Variants in GNA11 observed in about 807,000 individuals in gnomAD.
GNA11 encodes guanine nucleotide-binding protein subunit alpha-11.
In GNA11, 8 loss-of-function variants were observed where a neutral mutation model predicts 38.2. The observed-to-expected ratio is 0.21, with a 90% CI of 0.12 to 0.38. The LOEUF (loss-of-function observed/expected upper bound fraction) is 0.38. GNA11 is among the 10% of genes least tolerant of loss of function. The pLI, the probability that GNA11 is intolerant of heterozygous loss-of-function variation, is 1.00. For synonymous variants in GNA11, 211 were observed against 221.4 expected (o/e 0.95, Z 0.42); for missense variants, 268 against 516.3 (o/e 0.52, Z 4.66).
chr19:3,120,857 G>A lies in GNA11; in HGVS notation c.890-132G>A. 1.6e-6 allele frequency: 1 copy of A among 628,784 alleles called. No individual in the cohort carries two copies. The highest frequency in any genetic ancestry group is 2.8e-6 in the Non-Finnish European group (1 of 359,588). The allele number at this position is 628,784 out of a possible 1,614,324, so 39.0% of individuals were successfully genotyped here. ...AGGGGAGCTGCGGCCCGTCAGGCAT[G>A]CAGTGGGCTGGGGGTCGAGCTGGGT... On this transcript the variant is annotated intron_variant, in intron 6 of 6. Coordinates refer to ENST00000078429, the MANE Select transcript of GNA11 (RefSeq NM_002067.5). This position sits in a 1 kb window ranked among gnomAD's most constrained non-coding sequence, Gnocchi z 5.9.
chr19:3,096,252 C>G lies in GNA11; in HGVS notation c.136+1465C>G, dbSNP rs74672535. ...TCCCCAAACTTGTGTTTTGATTTAC[C>G]TAAGGGTTCTAAAATGGGCCATCTT... On this transcript the variant is annotated intron_variant, in intron 1 of 6. Coordinates refer to ENST00000078429, the MANE Select transcript of GNA11 (RefSeq NM_002067.5). 8.1e-3 allele frequency among the ~76,000 whole-genome samples: 1,157 copies of G among 143,468 alleles called. 9 individuals carry two copies. Among genetic ancestry groups the G allele is most frequent in the Non-Finnish European group, 0.014 (917 of 65,944 alleles). The allele number at this position is 143,468 out of a possible 152,430, so 94.1% of individuals were successfully genotyped here. A position where few individuals can be genotyped will look rare whatever the true frequency, so the allele number is the denominator to read the frequency against.
intron 1 of GNA11, among the ~76,000 whole-genome samples, chr19:3,101,846 T>A (rs144572295): frequency 2.6e-5 from 4 of 152,056 alleles, no homozygotes; most frequent in African/African-American, 9.7e-5. Context: ...GTAATCCAAG[T>A]ACTTTGAGAG....
chr19:3,120,123 G>A lies in GNA11; in HGVS notation c.889+764G>A, dbSNP rs1406720854. Among the ~76,000 whole-genome samples the A allele has an allele frequency of 1.3e-5, 2 of 152,096 alleles. No individual in the cohort carries two copies. Among genetic ancestry groups the A allele is most frequent in the Non-Finnish European group, 2.9e-5 (2 of 67,990 alleles). ...TCCACCCCGGATCTGTGCTCCTCCC[G>A]TGAGTCTCGGGTGTCATCTTCGGGA... is the stretch of plus-strand genomic sequence containing the variant. On this transcript the variant is annotated intron_variant, in intron 6 of 6. Coordinates refer to ENST00000078429, the MANE Select transcript of GNA11 (RefSeq NM_002067.5). The surrounding 1 kb of genome is among the most constrained non-coding windows in gnomAD (Gnocchi z 5.9).
Position 3,120,768 on chromosome 19 carries a change from T to A in GNA11, c.890-221T>A, listed in dbSNP as rs560439134. On this transcript the variant is annotated intron_variant, in intron 6 of 6. Coordinates refer to ENST00000078429, the MANE Select transcript of GNA11 (RefSeq NM_002067.5). This position sits in a 1 kb window ranked among gnomAD's most constrained non-coding sequence, Gnocchi z 5.9. ...GGTGCAGAGCCCCAGGTTGGAGGCCTGGGCCGTGACAGTAGTGCCCTGGGG... is the reference window on the plus strand; with the variant it reads ...GGTGCAGAGCCCCAGGTTGGAGGCCAGGGCCGTGACAGTAGTGCCCTGGGG... Among the ~76,000 whole-genome samples, 9 of 152,180 alleles carry A rather than the reference T, an allele frequency of 5.9e-5. No individual in the cohort carries two copies. In the East Asian group the frequency reaches 1.7e-3, roughly 30 times the overall value.
At chr19:3,114,647 T>A (rs1236960472) in intron 3 of GNA11, among the ~76,000 whole-genome samples, 1 of 152,160 alleles carries the variant, frequency 6.6e-6, no homozygotes, top group Non-Finnish European at 1.5e-5. Flanking sequence ...TCTGGACAGC[T>A]CTACTACAAA....
Position 3,119,290 on chromosome 19 carries a change from A to C in GNA11, c.820A>C (p.Asn274His). 6.2e-7 allele frequency: 1 copy of C among 1,613,758 alleles called. No homozygotes were observed. Among genetic ancestry groups the C allele is most frequent in the Non-Finnish European group, 8.5e-7 (1 of 1,179,782 alleles). Residue 274 changes from asparagine (N) to histidine (H), a missense_variant, in exon 6 of 7, where the codon AAC becomes CAC. Asn to His is a moderately conservative substitution (Grantham distance 68, BLOSUM62 1). Transcript: ENST00000078429. The surrounding 1 kb of genome is among the most constrained non-coding windows in gnomAD (Gnocchi z 4.6). ...GAACTCCTCCGTCATCCTCTTCCTC[A>C]ACAAGAAGGACCTGCTGGAGGACAA... ...FQNSSVILFL[N>H]KKDLLEDKIL... is the part of the protein sequence containing the mutation.
intron 1 of GNA11, among the ~76,000 whole-genome samples, chr19:3,101,223 G>A (rs1337743741): frequency 1.3e-5 from 2 of 152,326 alleles, no homozygotes; most frequent in East Asian, 3.9e-4. Flanking sequence ...ATTGTTAACC[G>A]TGTCCACACT....
chr19:3,104,242 G>A (rs17681874), intron 1 of GNA11, among the ~76,000 whole-genome samples: 26 of 152,166 alleles, frequency 1.7e-4, no homozygotes, highest in Non-Finnish European at 1.5e-5. Context: ...GCTGGGGCAC[G>A]GACTTCGTTC....
At chr19:3,117,229 A>T (rs537360831) in intron 4 of GNA11, 1 of 152,342 alleles carries the variant, frequency 6.6e-6, no homozygotes, top group Non-Finnish European at 1.5e-5. Flanking sequence ...AGGTTGTGGC[A>T]TGAATGTCCC....
At chr19:3,115,134 C>T (rs1382122456) in intron 4 of GNA11, 62 bp downstream of exon 4, 39 of 1,559,492 alleles carry the variant, frequency 2.5e-5, no homozygotes, top group East Asian at 2.0e-4. Flanking sequence ...CCCGGTGTGC[C>T]GGCTCATGCC....
At chr19:3,098,466 G>A (rs971049652) in intron 1 of GNA11, among the ~76,000 whole-genome samples, 1 of 152,204 alleles carries the variant, frequency 6.6e-6, no homozygotes, top group South Asian at 2.1e-4. Flanking sequence ...GGGGACCCCC[G>A]TATAGTTCTT....
chr19:3,115,679 C>T (rs1234895800), intron 4 of GNA11, among the ~76,000 whole-genome samples: 1 of 147,092 alleles, frequency 6.8e-6, no homozygotes, highest in Non-Finnish European at 1.5e-5. Flanking sequence ...GGGGGTGCCG[C>T]ATGGTGCGGG....
At chr19:3,106,777 C>T (rs1263558025) in intron 1 of GNA11, among the ~76,000 whole-genome samples, 2 of 152,242 alleles carry the variant, frequency 1.3e-5, no homozygotes, top group Non-Finnish European at 2.9e-5. Flanking sequence ...TGCACGTGTG[C>T]ATTGTGTGCA....
intron 2 of GNA11, among the ~76,000 whole-genome samples, chr19:3,111,930 C>G (rs1009480934): frequency 1.6e-4 from 25 of 152,388 alleles, no homozygotes; most frequent in African/African-American, 4.6e-4. Context: ...CCGCTGTGAT[C>G]TCTTCCAGCT....
At chr19:3,102,947 A>AT in intron 1 of GNA11, among the ~76,000 whole-genome samples, 1 of 152,340 alleles carries the variant, frequency 6.6e-6, no homozygotes, top group South Asian at 2.1e-4. Flanking sequence ...GGTCATGTGT[A>AT]TCCCCCAGGT....
intron 1 of GNA11, among the ~76,000 whole-genome samples, chr19:3,098,935 TG>T (rs1327216697): frequency 6.6e-6 from 1 of 152,232 alleles, no homozygotes; most frequent in Admixed American, 6.5e-5. Context: ...TGAAAGGGTC[TG>T]CTTTTCCCGG....
At chr19:3,099,938 T>A (rs2145305807) in intron 1 of GNA11, among the ~76,000 whole-genome samples, 1 of 152,192 alleles carries the variant, frequency 6.6e-6, no homozygotes, top group South Asian at 2.1e-4. Context: ...GTGCCTCAGT[T>A]TCCTCAGGGG....
chr19:3,102,987 G>T (rs1036425321), intron 1 of GNA11, among the ~76,000 whole-genome samples: 2 of 152,204 alleles, frequency 1.3e-5, no homozygotes, highest in African/African-American at 4.8e-5. Flanking sequence ...CTTGCTCCCG[G>T]TGTGTGCACT....
rs1914045716 is a variant in GNA11 at position 3,120,607 on chromosome 19, G to A, written c.890-382G>A. On this transcript the variant is annotated intron_variant, in intron 6 of 6. Coordinates refer to ENST00000078429, the MANE Select transcript of GNA11 (RefSeq NM_002067.5). The surrounding 1 kb of genome is among the most constrained non-coding windows in gnomAD (Gnocchi z 5.9). Reference sequence around the variant, plus strand: ...ACTGTTCCTGCTCTGTAGGCTCTGTGCCCAGCCCTGGGGGCCTCTCCTCTC... The same window carrying A: ...ACTGTTCCTGCTCTGTAGGCTCTGTACCCAGCCCTGGGGGCCTCTCCTCTC... 6.6e-6 allele frequency among the ~76,000 whole-genome samples: 1 copy of A among 152,138 alleles called. No homozygotes were observed. The highest frequency in any genetic ancestry group is 1.5e-5 in the Non-Finnish European group (1 of 67,998).
Sources: gnomAD v4.1 joint callset for allele counts (sites outside exome capture counted in the v4.1 genomes callset) on GRCh38, gnomAD v4.1.1 for gene constraint, Gnocchi (gnomAD v3.1) non-coding constraint, MANE v1.5 for transcripts, NCBI Gene and HGNC (gene_info 2026-07-23, HGNC 2026-07-21) for gene names.